The following UTRN variants were observed in gnomAD, a reference collection of about 807,000 sequenced individuals.
The protein encoded by UTRN is dystrophin-related protein 1.
Under a neutral mutation model 463.9 loss-of-function variants are expected in UTRN, and 283 were observed. That is an observed-to-expected ratio of 0.61 (90% CI 0.55 to 0.67). UTRN has a LOEUF of 0.67. UTRN is among the 30% of genes least tolerant of loss of function. The probability of loss-of-function intolerance (pLI) is 0.00; values close to 1 mark genes in which losing one functional copy is unlikely to be tolerated. For missense variants in UTRN, 3,922 were observed against 4,084.3 expected (o/e 0.96, Z 1.08); for synonymous variants, 1,442 against 1,431.5 (o/e 1.01, Z -0.17).
intron 51 of UTRN, among the ~76,000 whole-genome samples, chr6:144,625,470 G>C (rs1261434222): frequency 6.6e-6 from 1 of 152,128 alleles, no homozygotes; most frequent in Non-Finnish European, 1.5e-5. Context: ...TCTTGACTTT[G>C]TTGGTTTTCA....
At chr6:144,813,177 ATT>A (rs1381152072) in intron 65 of UTRN, among the ~76,000 whole-genome samples, 7 of 150,742 alleles carry the variant, frequency 4.6e-5, no homozygotes, top group African/African-American at 1.7e-4. Flanking sequence ...TTTTATTTTT[ATT>A]TTTATTTATT....
chr6:144,355,188 C>T (rs951612562), intron 2 of UTRN, among the ~76,000 whole-genome samples: 1 of 152,090 alleles, frequency 6.6e-6, no homozygotes, highest in Non-Finnish European at 1.5e-5. Context: ...TCAAAAGCCG[C>T]TTGAAGGATT....
intron 51 of UTRN, among the ~76,000 whole-genome samples, chr6:144,670,784 C>A (rs1420038953): frequency 6.6e-6 from 1 of 152,058 alleles, no homozygotes; most frequent in East Asian, 1.9e-4. Context: ...AGATTTAAGT[C>A]TTTGATCCAT....
intron 7 of UTRN, among the ~76,000 whole-genome samples, chr6:144,427,787 G>A (rs74903623): frequency 1.3e-5 from 2 of 152,144 alleles, no homozygotes; most frequent in Admixed American, 6.5e-5. Context: ...CAACAAATAC[G>A]TGTGGGGTGC....
chr6:144,564,558 C>T (rs1017988255), intron 50 of UTRN, among the ~76,000 whole-genome samples: 4 of 152,110 alleles, frequency 2.6e-5, no homozygotes, highest in Non-Finnish European at 5.9e-5. Context: ...AGAGTTTTAA[C>T]TGACTTATAG....
chr6:144,543,716 C>T (rs1044448460), intron 46 of UTRN, among the ~76,000 whole-genome samples: 1 of 151,862 alleles, frequency 6.6e-6, no homozygotes, highest in East Asian at 1.9e-4. Context: ...TGGGAGGGTT[C>T]TTTTTATTTC....
chr6:144,590,094 C>A (rs998583863), intron 51 of UTRN, among the ~76,000 whole-genome samples: 4 of 152,070 alleles, frequency 2.6e-5, no homozygotes, highest in African/African-American at 9.7e-5. Context: ...CTCCTGAGCT[C>A]AAGCAATCTG....
Position 144,550,858 on chromosome 6 carries a change from A to G in UTRN, c.6811-107A>G, listed in dbSNP as rs377011594. ...CACGTTGCTGATGCTTCACTATGCC[A>G]TAGAGGAGGAAAACAACGACAACTT... is the stretch of plus-strand genomic sequence containing the variant. On this transcript the variant is annotated intron_variant, in intron 47 of 74. Coordinates refer to ENST00000367545, the MANE Select transcript of UTRN (RefSeq NM_007124.3). 490 of 898,042 alleles carry G rather than the reference A, an allele frequency of 5.5e-4. No homozygotes were observed. The African/African-American group carries it at 7.5e-3, about 14-fold the overall frequency. The allele number at this position is 898,042 out of a possible 1,614,324, so 55.6% of individuals were successfully genotyped here.
intron 51 of UTRN, among the ~76,000 whole-genome samples, chr6:144,584,372 G>C (rs927064697): frequency 2.0e-5 from 3 of 152,136 alleles, no homozygotes; most frequent in African/African-American, 7.2e-5. Flanking sequence ...TATAAAAGGA[G>C]AGAGTTATAA....
At chr6:144,553,870 C>T (rs376929223) in intron 48 of UTRN, among the ~76,000 whole-genome samples, 9 of 147,966 alleles carry the variant, frequency 6.1e-5, no homozygotes, top group African/African-American at 1.7e-4. Flanking sequence ...AAGCCAGGAT[C>T]GTGCCACTGC....
In UTRN at chr6:144,827,395, T is replaced by G; in HGVS notation, c.9533+9T>G. 1 of 1,613,478 alleles carries G rather than the reference T, an allele frequency of 6.2e-7. No individual in the cohort carries two copies. The highest frequency in any genetic ancestry group is 8.5e-7 in the Non-Finnish European group (1 of 1,179,618). On this transcript the variant is annotated intron_variant, in intron 67 of 74. Coordinates refer to ENST00000367545, the MANE Select transcript of UTRN (RefSeq NM_007124.3). ...TGGCCAGAGCACTATGAGTGAGTAT[T>G]CATAGCCCACGTGCAGGAGAGGTGT... is the stretch of plus-strand genomic sequence containing the variant.
At chr6:144,646,311 G>A (rs1044286372) in intron 51 of UTRN, among the ~76,000 whole-genome samples, 7 of 152,112 alleles carry the variant, frequency 4.6e-5, no homozygotes, top group Non-Finnish European at 8.8e-5. Context: ...TAAAGTCAAA[G>A]CATTATTTAA....
At chr6:144,634,330 C>T (rs536873827) in intron 51 of UTRN, among the ~76,000 whole-genome samples, 1 of 152,238 alleles carries the variant, frequency 6.6e-6, no homozygotes, top group Non-Finnish European at 1.5e-5. Context: ...GAGCTGCCAC[C>T]TTGTGACTGT....
chr6:144,744,373 A>G (rs1251538198), intron 54 of UTRN, among the ~76,000 whole-genome samples: 2 of 145,354 alleles, frequency 1.4e-5, no homozygotes, highest in East Asian at 2.0e-4. Flanking sequence ...TTAAATATAT[A>G]GATATATAAA....
intron 2 of UTRN, among the ~76,000 whole-genome samples, chr6:144,387,241 C>T (rs928018001): frequency 4.6e-5 from 7 of 152,156 alleles, no homozygotes; most frequent in Non-Finnish European, 1.0e-4. Flanking sequence ...CTCCTGGGTT[C>T]AAGAGATTCT....
chr6:144,702,265 C>T (rs1475771349), intron 53 of UTRN, among the ~76,000 whole-genome samples: 2 of 152,206 alleles, frequency 1.3e-5, no homozygotes, highest in African/African-American at 2.4e-5. Flanking sequence ...TGGCCTCCCT[C>T]CCAGCAAGGT....
chr6:144,571,434 TC>T (rs1445036015), intron 50 of UTRN, among the ~76,000 whole-genome samples: 1 of 152,172 alleles, frequency 6.6e-6, no homozygotes, highest in Non-Finnish European at 1.5e-5. Flanking sequence ...GCAGTCCCCT[TC>T]CTAGAGGCAA....
At chr6:144,673,260 C>T (rs1331162982) in intron 51 of UTRN, among the ~76,000 whole-genome samples, 1 of 152,148 alleles carries the variant, frequency 6.6e-6, no homozygotes, top group Non-Finnish European at 1.5e-5. Context: ...CCCTCTAGTG[C>T]TGTCAGTGGA....
intron 51 of UTRN, among the ~76,000 whole-genome samples, chr6:144,659,436 G>A (rs1779638187): frequency 6.6e-6 from 1 of 152,202 alleles, no homozygotes; most frequent in African/African-American, 2.4e-5. Context: ...CGGCAGAAGG[G>A]ACTAGATTTG....
Sources: gnomAD v4.1 joint callset for allele counts (sites outside exome capture counted in the v4.1 genomes callset) on GRCh38, gnomAD v4.1.1 for gene constraint, MANE v1.5 for transcripts, NCBI Gene and HGNC (gene_info 2026-07-23, HGNC 2026-07-21) for gene names.